Variants in TMPRSS15 observed in about 807,000 individuals in gnomAD.
TMPRSS15 encodes the protein transmembrane serine protease 15.
In TMPRSS15, 128 loss-of-function variants were observed where a neutral mutation model predicts 125.3. The ratio of observed to expected loss-of-function variants is 1.02; its 90% CI spans 0.89 to 1.18. TMPRSS15 has a LOEUF of 1.18. Among genes scored for constraint, TMPRSS15 ranks in the 50% most tolerant of loss-of-function variants. The pLI is 0.00. For synonymous variants in TMPRSS15, 446 were observed against 423.2 expected, an observed-to-expected ratio of 1.05 and a Z score of -0.66; for missense variants, 1,283 against 1,212.7, an observed-to-expected ratio of 1.06 and a Z score of -0.86.
intron 1 of TMPRSS15, among the ~76,000 whole-genome samples, chr21:18,467,718 T>A (rs2045935434): frequency 6.6e-6 from 1 of 152,002 alleles, no homozygotes; most frequent in South Asian, 2.1e-4. Context: ...AAGAGGAAGG[T>A]GGGGCCCAAT....
rs187960162 is a variant in TMPRSS15, at chr21:18,418,544, G to T, written c.11-20215C>A. Reference sequence around the variant, plus strand: ...GCCCTTAGGGATTGATCTATACGTGGCCTCTTGCTGAAATAGGGAAAATGT... The same window carrying T: ...GCCCTTAGGGATTGATCTATACGTGTCCTCTTGCTGAAATAGGGAAAATGT... On this transcript the variant is annotated intron_variant, in intron 1 of 7. Transcript: ENST00000422787. Among the ~76,000 whole-genome samples, 15 of 152,228 alleles carry T rather than the reference G, an allele frequency of 9.9e-5. No homozygotes were observed. In the East Asian group the frequency reaches 2.9e-3, roughly 29 times the overall value.
At position 18,383,739 on chromosome 21, in the gene TMPRSS15, G is replaced by A. The variant is rs1313667551; in HGVS notation, c.384C>T (p.Ala128=). The change falls in exon 4 of 25, where the codon GCC becomes GCT. Residue 128 remains alanine, a synonymous_variant. Transcript: ENST00000284885. ...TTACATTTTCATCTGACACCCACTG[G>A]GCAAAGAAAAGGTCAAATACGACTA... ...SIIVVFDLFF[A]QWVSDENVKE... is the part of the protein sequence containing the mutation. 2 of 1,613,684 alleles carry A rather than the reference G, an allele frequency of 1.2e-6. No homozygotes were observed. Among genetic ancestry groups the A allele is most frequent in the Non-Finnish European group, 1.7e-6 (2 of 1,179,864 alleles).
intron 6 of TMPRSS15, among the ~76,000 whole-genome samples, chr21:18,365,701 A>T (rs188761044): frequency 0.17 from 5,599 of 33,674 alleles, 557 homozygotes; most frequent in African/African-American, 0.37. Context: ...CTTCCTTCCT[A>T]CCTTCTCTCT....
chr21:18,400,902 T>G (rs1023060368), intron 1 of TMPRSS15, among the ~76,000 whole-genome samples: 1 of 151,898 alleles, frequency 6.6e-6, no homozygotes, highest in African/African-American at 2.4e-5. Flanking sequence ...AATAAACCCA[T>G]TAAAAACTGG....
At position 18,288,284 on chromosome 21, in the gene TMPRSS15, T is replaced by C. The variant is rs546121149; in HGVS notation, c.2486+5986A>G. On this transcript the variant is annotated intron_variant, in intron 21 of 24. Coordinates refer to ENST00000284885, the MANE Select transcript of TMPRSS15 (RefSeq NM_002772.3). ...ACTTATAAGTGGGAGCCAAATAATG[T>C]ATAGTGGACATAAAGTGTGGAATGA... Among the ~76,000 whole-genome samples, 17 of 152,198 alleles carry C rather than the reference T, an allele frequency of 1.1e-4. No individual in the cohort carries two copies. The East Asian group carries it at 1.4e-3, about 12-fold the overall frequency.
At position 18,294,411 on chromosome 21, in the gene TMPRSS15, G is replaced by A; in HGVS notation, c.2345C>T (p.Thr782Ile). 2 of 1,614,238 alleles carry A rather than the reference G, an allele frequency of 1.2e-6. No individual in the cohort carries two copies. Among genetic ancestry groups the A allele is most frequent in the Non-Finnish European group, 8.5e-7 (1 of 1,180,042 alleles). Reference protein sequence around the residue: ...CGKKLAAQDITPKIVGGSNAK... With the variant: ...CGKKLAAQDIIPKIVGGSNAK... ...ATTACTTCCTCCAACAATCTTTGGG[G>A]TGATGTCTTGAGCTGCCAGTTTTTT... The change falls in exon 21 of 25, where the codon ACC (threonine) becomes ATC (isoleucine). Residue 782 changes from threonine to isoleucine, a missense_variant. By Grantham distance (89) the Thr-to-Ile change is moderately conservative. Transcript: ENST00000284885.
chr21:18,306,628 T>C (rs550063805), intron 18 of TMPRSS15, among the ~76,000 whole-genome samples: 1 of 152,284 alleles, frequency 6.6e-6, no homozygotes, highest in African/African-American at 2.4e-5. Flanking sequence ...TTTTGAGATA[T>C]TAGTATTTCC....
At chr21:18,413,383 TTCTA>T (rs760855450) in intron 1 of TMPRSS15, among the ~76,000 whole-genome samples, 9 of 146,500 alleles carry the variant, frequency 6.1e-5, no homozygotes, top group Non-Finnish European at 1.4e-4. Context: ...CTTCCTTTCT[TTCTA>T]TCTTTCTTCT....
At chr21:18,485,536 C>T (rs1225641118) in intron 1 of TMPRSS15, among the ~76,000 whole-genome samples, 1 of 151,886 alleles carries the variant, frequency 6.6e-6, no homozygotes, top group Non-Finnish European at 1.5e-5. Flanking sequence ...TTGGTTGTTT[C>T]TAATCATGTA....
chr21:18,343,917 TA>T, intron 11 of TMPRSS15, 37 bp downstream of exon 11: 1 of 1,573,642 alleles, frequency 6.4e-7, no homozygotes, highest in Non-Finnish European at 8.7e-7. Flanking sequence ...TGTTACCCAT[TA>T]AAAAAGACAG....
chr21:18,285,285 C>A (rs2074749365), intron 21 of TMPRSS15, among the ~76,000 whole-genome samples: 1 of 152,156 alleles, frequency 6.6e-6, no homozygotes. Context: ...AATAACTTCA[C>A]CACTCTAGGC....
intron 5 of TMPRSS15, among the ~76,000 whole-genome samples, chr21:18,374,883 C>A (rs1226618870): frequency 6.6e-6 from 1 of 152,056 alleles, no homozygotes; most frequent in Non-Finnish European, 1.5e-5. Flanking sequence ...ACGTTTGCTT[C>A]TGAACAAGAT....
chr21:18,398,030 T>A, intron 2 of TMPRSS15, 84 bp from the exon 3 acceptor site: 1 of 1,238,332 alleles, frequency 8.1e-7, no homozygotes, highest in Non-Finnish European at 1.2e-6. Flanking sequence ...GCAATCTTTA[T>A]GTTCTGCTTA....
chr21:18,427,500 TA>T (rs1361488868), intron 1 of TMPRSS15, among the ~76,000 whole-genome samples: 2 of 152,194 alleles, frequency 1.3e-5, no homozygotes, highest in East Asian at 1.9e-4. Flanking sequence ...GCTTTGTGAA[TA>T]AAAAGCTATT....
At chr21:18,369,152 A>G (rs928629048) in intron 6 of TMPRSS15, among the ~76,000 whole-genome samples, 2 of 152,212 alleles carry the variant, frequency 1.3e-5, no homozygotes, top group Non-Finnish European at 2.9e-5. Context: ...ATTCGATTGC[A>G]CTATCAGAAA....
chr21:18,462,068 G>A (rs1365113938), intron 1 of TMPRSS15, among the ~76,000 whole-genome samples: 1 of 152,138 alleles, frequency 6.6e-6, no homozygotes, highest in Non-Finnish European at 1.5e-5. Flanking sequence ...AAATTTTCAT[G>A]TAATGAAAGA....
chr21:18,275,403 C>A, intron 23 of TMPRSS15, 67 bp from the exon 24 acceptor site: 2 of 1,573,290 alleles, frequency 1.3e-6, no homozygotes, highest in South Asian at 1.1e-5. Flanking sequence ...AATGAACTAC[C>A]ATCAGTCCTA....
chr21:18,294,488 A>G, intron 20 of TMPRSS15, 44 bp from the exon 21 acceptor site: 1 of 1,612,394 alleles, frequency 6.2e-7, no homozygotes, highest in Admixed American at 1.7e-5. Context: ...CATTTTTGGC[A>G]TTTCTTCTGA....
intron 1 of TMPRSS15, among the ~76,000 whole-genome samples, chr21:18,464,839 G>T (rs1183449637): frequency 6.6e-6 from 1 of 152,050 alleles, no homozygotes; most frequent in African/African-American, 2.4e-5. Flanking sequence ...GTACAAAGAG[G>T]AGCTGGTACC....
Sources: allele counts gnomAD v4.1 joint callset (sites outside exome capture counted in the v4.1 genomes callset), GRCh38; gene constraint gnomAD v4.1.1; transcripts MANE v1.5; gene names NCBI Gene and HGNC (gene_info 2026-07-23, HGNC 2026-07-21).